The following PCDH9 variants were observed in gnomAD, a reference collection of about 807,000 sequenced individuals.
The protein encoded by PCDH9 is protocadherin-9.
Under a neutral mutation model 70.6 loss-of-function variants are expected in PCDH9, and 24 were observed. The observed-to-expected ratio is 0.34, with a 90% CI of 0.25 to 0.48. PCDH9 has a LOEUF of 0.48. PCDH9 is among the 20% of genes least tolerant of loss of function. The pLI is 0.99. For synonymous variants in PCDH9, 562 were observed against 558.5 expected (o/e 1.01, Z -0.09); for missense variants, 1,281 against 1,503.6 (o/e 0.85, Z 2.45).
chr13:67,089,299 T>C (rs2086170325), intron 2 of PCDH9, among the ~76,000 whole-genome samples: 1 of 152,088 alleles, frequency 6.6e-6, no homozygotes, highest in Admixed American at 6.6e-5. Context: ...TTTATTTGGC[T>C]TTTTAATAAG....
At chr13:66,740,777 C>A (rs1209630983) in intron 3 of PCDH9, among the ~76,000 whole-genome samples, 1 of 151,100 alleles carries the variant, frequency 6.6e-6, no homozygotes, top group Admixed American at 6.6e-5. Flanking sequence ...TACACTCTCC[C>A]AAGACTAAAC....
intron 3 of PCDH9, among the ~76,000 whole-genome samples, chr13:66,825,829 T>C (rs1780042442): frequency 6.6e-6 from 1 of 152,172 alleles, no homozygotes. Flanking sequence ...AACAGCTTGA[T>C]GCAATAAATG....
chr13:67,018,136 C>T (rs73211171), intron 2 of PCDH9, among the ~76,000 whole-genome samples: 1,591 of 152,136 alleles, frequency 0.01, 9 homozygotes, highest in Non-Finnish European at 0.017. Flanking sequence ...TAAAATGAGT[C>T]TCAAATTCAT....
intron 2 of PCDH9, among the ~76,000 whole-genome samples, chr13:67,127,253 C>A (rs1429475614): frequency 6.6e-6 from 1 of 152,144 alleles, no homozygotes; most frequent in Non-Finnish European, 1.5e-5. Flanking sequence ...AATGGAAAAA[C>A]AGGTGGACTG....
chr13:66,455,449 T>C (rs2138438505), intron 4 of PCDH9, among the ~76,000 whole-genome samples: 1 of 152,194 alleles, frequency 6.6e-6, no homozygotes, highest in East Asian at 1.9e-4. Flanking sequence ...GCTGTTCCTA[T>C]ACCAGAAATC....
At chr13:66,695,876 T>A (rs1372231684) in intron 3 of PCDH9, among the ~76,000 whole-genome samples, 1 of 152,178 alleles carries the variant, frequency 6.6e-6, no homozygotes, top group Non-Finnish European at 1.5e-5. Context: ...TTTTAATATT[T>A]TTTAAGTGGT....
intron 2 of PCDH9, among the ~76,000 whole-genome samples, chr13:67,036,411 T>C (rs1260799756): frequency 1.3e-5 from 2 of 152,180 alleles, no homozygotes; most frequent in Non-Finnish European, 2.9e-5. Context: ...CTGCAATCAA[T>C]AGCTTGCTGT....
chr13:66,398,387 G>C (rs1407368068), intron 4 of PCDH9, among the ~76,000 whole-genome samples: 1 of 151,938 alleles, frequency 6.6e-6, no homozygotes, highest in African/African-American at 2.4e-5. Context: ...TTGGGTTTAG[G>C]TTTGAATCAG....
chr13:66,561,265 G>A (rs913668476), intron 4 of PCDH9, among the ~76,000 whole-genome samples: 1 of 152,164 alleles, frequency 6.6e-6, no homozygotes, highest in South Asian at 2.1e-4. Context: ...CACAGGGCAG[G>A]GCTCGGGACC....
At chr13:67,016,958 G>A (rs993792822) in intron 2 of PCDH9, among the ~76,000 whole-genome samples, 1 of 151,224 alleles carries the variant, frequency 6.6e-6, no homozygotes, top group Non-Finnish European at 1.5e-5. Flanking sequence ...TTCTACTAGG[G>A]TTTTTTTTTC....
intron 3 of PCDH9, among the ~76,000 whole-genome samples, chr13:66,737,217 T>C (rs528464690): frequency 3.3e-5 from 5 of 152,180 alleles, no homozygotes; most frequent in Non-Finnish European, 5.9e-5. Context: ...CTATTTTTCA[T>C]ATAAAAACAC....
intron 2 of PCDH9, among the ~76,000 whole-genome samples, chr13:66,932,057 A>G (rs2082820298): frequency 6.6e-6 from 1 of 152,140 alleles, no homozygotes; most frequent in South Asian, 2.1e-4. Context: ...TCAGTAGCCA[A>G]ATGGACACAG....
chr13:66,844,538 TCG>T (rs2081172378), intron 3 of PCDH9, among the ~76,000 whole-genome samples: 1 of 150,484 alleles, frequency 6.6e-6, no homozygotes, highest in Non-Finnish European at 1.5e-5. Context: ...TGAGCCGAGA[TCG>T]TGCCACTGCA....
At chr13:66,640,558 C>T (rs1298551358) in intron 3 of PCDH9, among the ~76,000 whole-genome samples, 1 of 151,542 alleles carries the variant, frequency 6.6e-6, no homozygotes, top group Non-Finnish European at 1.5e-5. Context: ...CACACACACA[C>T]ACATCCAAAC....
chr13:66,816,917 C>T (rs559940503), intron 3 of PCDH9, among the ~76,000 whole-genome samples: 1 of 150,128 alleles, frequency 6.7e-6, no homozygotes, highest in Non-Finnish European at 1.5e-5. Flanking sequence ...ATAATGTGAG[C>T]TGACTATAAG....
intron 2 of PCDH9, among the ~76,000 whole-genome samples, chr13:67,012,102 C>G (rs963566634): frequency 2.0e-5 from 3 of 151,616 alleles, no homozygotes; most frequent in Admixed American, 2.0e-4. Flanking sequence ...CTTCCTTTTT[C>G]TTTCCTTCTT....
chr13:66,847,993 G>T (rs2081242793), intron 3 of PCDH9, among the ~76,000 whole-genome samples: 2 of 152,128 alleles, frequency 1.3e-5, no homozygotes, highest in Admixed American at 6.6e-5. Flanking sequence ...GATTATTTGT[G>T]TATTTGTGTA....
intron 3 of PCDH9, among the ~76,000 whole-genome samples, chr13:66,849,517 T>TAGAGAGAGAGAGAGAGAG (rs58589562): frequency 2.2e-4 from 14 of 63,576 alleles, no homozygotes; most frequent in East Asian, 1.1e-3. Context: ...TATATATATA[T>TAGAGAGAGAGAGAGAGAG]AGAGAGAGAG....
chr13:66,575,519 T>A (rs948168802), intron 4 of PCDH9, among the ~76,000 whole-genome samples: 2 of 152,126 alleles, frequency 1.3e-5, no homozygotes, highest in African/African-American at 2.4e-5. Context: ...CCCTGTAAGA[T>A]CACCCCATGC....
Sources: gnomAD v4.1 joint callset for allele counts (sites outside exome capture counted in the v4.1 genomes callset) on GRCh38, gnomAD v4.1.1 for gene constraint, MANE v1.5 for transcripts, NCBI Gene and HGNC (gene_info 2026-07-23, HGNC 2026-07-21) for gene names.